PEMT: variants seen among roughly 807,000 people sequenced by gnomAD.
The protein encoded by PEMT is phosphatidylethanolamine N-methyltransferase, also known as phospholipid methyltransferase.
A neutral mutation model predicts 27.4 loss-of-function variants in PEMT; 23 were observed. That is an observed-to-expected ratio of 0.84 (90% confidence interval 0.60 to 1.19). The LOEUF is 1.19. Ranked by LOEUF, PEMT falls within the 50% of genes most tolerant of loss-of-function variation. PEMT has a pLI of 0.00. For synonymous variants in PEMT, 137 were observed against 139.1 expected (o/e 0.98, Z 0.11); for missense variants, 307 against 310.1 (o/e 0.99, Z 0.07).
chr17:17,588,763 G>T (rs4646343), intron 1 of PEMT, among the ~76,000 whole-genome samples: 50,334 of 152,090 alleles, frequency 0.33, 9,837 homozygotes, highest in Middle Eastern at 0.47. Context: ...GAGGTGCCCC[G>T]GCCTGTGGAC....
intron 5 of PEMT, chr17:17,506,866 G>A (rs561970261): frequency 4.9e-5 from 21 of 431,154 alleles, no homozygotes; most frequent in South Asian, 2.1e-4. Context: ...CTGCCGCCCC[G>A]CCCAGCCCTC....
At chr17:17,531,986 G>GAAGTATATATACAGAAATATATATAT (rs1908133420) in intron 2 of PEMT, among the ~76,000 whole-genome samples, 1 of 152,104 alleles carries the variant, frequency 6.6e-6, no homozygotes, top group Non-Finnish European at 1.5e-5. Flanking sequence ...CTTCTTGAGG[G>GAAGTATATATACAGAAATATATATAT]ACTTATATCA....
In PEMT at chr17:17,521,013, G is replaced by A. The variant is rs1034567801; in HGVS notation, c.320+1267C>T. ...CCGGCTCCGCACGTGCTGGCATGGA[G>A]CATTCGCAGGCCCCTTCCTGTGTGC... On this transcript the variant is annotated intron_variant, in intron 3 of 6. Transcript: ENST00000255389. Among the ~76,000 whole-genome samples the A allele has an allele frequency of 7.2e-5, 11 of 152,262 alleles. 1 individual carries two copies. In the East Asian group the frequency reaches 7.7e-4, roughly 11 times the overall value.
Position 17,577,071 on chromosome 17 carries a change from G to A in PEMT, c.97-44C>T, listed in dbSNP as rs928489403. The A allele has an allele frequency of 2.8e-6, 4 of 1,437,226 alleles. No individual in the cohort carries two copies. In the African/African-American group the frequency reaches 4.2e-5, roughly 15 times the overall value. The allele number at this position is 1,437,226 out of a possible 1,614,324, so 89.0% of individuals were successfully genotyped here. On this transcript the variant is annotated intron_variant, in intron 1 of 6. Coordinates refer to ENST00000255389, the MANE Select transcript of PEMT (RefSeq NM_148172.3). ...CATCAGCACCACCCAGACACAGCAG[G>A]GCCTGTGAGCCCCCAGGAGTCGGAG...
At position 17,536,042 on chromosome 17, in the gene PEMT, A is replaced by C. The variant is rs573290447; in HGVS notation, c.205-13647T>G. Among the ~76,000 whole-genome samples the C allele has an allele frequency of 1.6e-4, 24 of 152,302 alleles. No homozygotes were observed. The South Asian group carries it at 4.4e-3, about 28-fold the overall frequency. ...TGCCACTGTCTCCCCAAGGGCCTACAATCTCCTTAACTGTGGCATGCAGGC... is the reference window on the plus strand; with the variant it reads ...TGCCACTGTCTCCCCAAGGGCCTACCATCTCCTTAACTGTGGCATGCAGGC... On this transcript the variant is annotated intron_variant, in intron 2 of 6. Coordinates refer to ENST00000255389, the MANE Select transcript of PEMT (RefSeq NM_148172.3).
rs532688339 is a variant in PEMT, at chr17:17,512,437, G to A, written c.466+72C>T. On this transcript the variant is annotated intron_variant, in intron 4 of 6. Transcript: ENST00000255389. This position sits in a 1 kb window ranked among gnomAD's most constrained non-coding sequence, Gnocchi z 6.3. Reference sequence around the variant, plus strand: ...CGATGTCACGGATAGCAGGGCAGCAGCCACCTGGCCCTGCACCTCCCTGGG... The same window carrying A: ...CGATGTCACGGATAGCAGGGCAGCAACCACCTGGCCCTGCACCTCCCTGGG... 157 of 1,346,546 alleles carry A rather than the reference G, an allele frequency of 1.2e-4. No individual in the cohort carries two copies. In the African/African-American group the frequency reaches 1.9e-3, roughly 16 times the overall value. 83.4% of individuals were successfully genotyped at this position (1,346,546 alleles called of 1,614,324 possible).
intron 2 of PEMT, among the ~76,000 whole-genome samples, chr17:17,576,117 C>G (rs1413177332): frequency 1.3e-5 from 2 of 152,098 alleles, no homozygotes; most frequent in Non-Finnish European, 2.9e-5. Flanking sequence ...AGCAGGATCC[C>G]CGGGAAGCAG....
intron 1 of PEMT, chr17:17,577,309 T>G: frequency 2.1e-6 from 1 of 479,828 alleles, no homozygotes; most frequent in Non-Finnish European, 3.6e-6. Context: ...TGAAGGGAGG[T>G]GACACCAACC....
intron 2 of PEMT, among the ~76,000 whole-genome samples, chr17:17,536,282 T>C (rs796185733): frequency 3.9e-5 from 6 of 152,342 alleles, no homozygotes; most frequent in African/African-American, 1.4e-4. Flanking sequence ...GTAAATGGAT[T>C]GTAACTCAGG....
At chr17:17,569,453 A>G (rs796132591) in intron 2 of PEMT, among the ~76,000 whole-genome samples, 14 of 152,246 alleles carry the variant, frequency 9.2e-5, no homozygotes, top group African/African-American at 3.1e-4. Context: ...TGCACATGAG[A>G]GCCAGGCACC....
At chr17:17,583,162 T>C (rs1010284829) in intron 1 of PEMT, among the ~76,000 whole-genome samples, 3 of 151,848 alleles carry the variant, frequency 2.0e-5, no homozygotes, top group African/African-American at 7.3e-5. Context: ...GATCACCTGA[T>C]GGTCAGGAGT....
chr17:17,546,332 C>T (rs1302101476), intron 2 of PEMT, among the ~76,000 whole-genome samples: 2 of 152,192 alleles, frequency 1.3e-5, no homozygotes, highest in Non-Finnish European at 2.9e-5. Context: ...TTTGCTCTCC[C>T]GTGTCTTGGT....
At chr17:17,542,553 CACAA>C (rs1908964259) in intron 2 of PEMT, among the ~76,000 whole-genome samples, 1 of 152,218 alleles carries the variant, frequency 6.6e-6, no homozygotes, top group Admixed American at 6.5e-5. Flanking sequence ...ATGCCAAGGA[CACAA>C]ACAGATTGAG....
Position 17,586,288 on chromosome 17 carries a change from G to GAA in PEMT, c.96+5241_96+5242dup, listed in dbSNP as rs113887195. Among the ~76,000 whole-genome samples, 101 of 72,058 alleles carry GAA rather than the reference G, an allele frequency of 1.4e-3. 7 individuals are homozygous for GAA. The highest frequency in any genetic ancestry group is 3.7e-3 in the South Asian group (9 of 2,414). The allele number at this position is 72,058 out of a possible 152,430, so 47.3% of individuals were successfully genotyped here. A position where few individuals can be genotyped will look rare whatever the true frequency, so the allele number is the denominator to read the frequency against. Reference sequence around the variant, plus strand: ...AGAAAGAAAGAAAGAAAGAAAGAAAGAAAAAAAAAAACGCAGGTGGAAAAT... The same window carrying GAA: ...AGAAAGAAAGAAAGAAAGAAAGAAAGAAAAAAAAAAAAACGCAGGTGGAAAAT... On this transcript the variant is annotated intron_variant, in intron 1 of 6. Transcript: ENST00000255389.
In PEMT at chr17:17,523,328, C is replaced by T. The variant is rs964614467; in HGVS notation, c.205-933G>A. The stretch of plus-strand genomic sequence containing the variant: ...TCCACCCCAGCCCCAGCGATGACTG[C>T]TGCCTGCTCCACTTCCCAAGTGGAC... On this transcript the variant is annotated intron_variant, in intron 2 of 6. Transcript: ENST00000255389. The surrounding 1 kb of genome is among the most constrained non-coding windows in gnomAD (Gnocchi z 4.8). 1.3e-5 allele frequency among the ~76,000 whole-genome samples: 2 copies of T among 152,226 alleles called. No individual in the cohort carries two copies. The highest frequency in any genetic ancestry group is 4.8e-5 in the African/African-American group (2 of 41,460).
In PEMT at chr17:17,573,404, T is replaced by C. The variant is rs535110980; in HGVS notation, c.204+3516A>G. The stretch of plus-strand genomic sequence containing the variant: ...ATCGCTTGAACCTGAGAGGCAGAGG[T>C]TGCAGTAAGCCAAGATCATGCCACT... On this transcript the variant is annotated intron_variant, in intron 2 of 6. Coordinates refer to ENST00000255389, the MANE Select transcript of PEMT (RefSeq NM_148172.3). Among the ~76,000 whole-genome samples the C allele has an allele frequency of 2.0e-5, 3 of 150,358 alleles. No homozygotes were observed. In the East Asian group the frequency reaches 5.8e-4, roughly 29 times the overall value.
chr17:17,505,878 A>C, intron 6 of PEMT, 30 bp from the exon 7 acceptor site: 1 of 1,600,248 alleles, frequency 6.2e-7, no homozygotes, highest in South Asian at 1.1e-5. Flanking sequence ...GGCTTCGGTC[A>C]GCAGGTCCTG....
intron 1 of PEMT, among the ~76,000 whole-genome samples, chr17:17,584,843 G>A (rs896674246): frequency 1.3e-5 from 2 of 152,234 alleles, no homozygotes; most frequent in African/African-American, 4.8e-5. Context: ...ATCTCCCCTC[G>A]CTGAGCACCG....
intron 2 of PEMT, among the ~76,000 whole-genome samples, chr17:17,531,979 C>A (rs1434452425): frequency 6.6e-6 from 1 of 152,150 alleles, no homozygotes; most frequent in African/African-American, 2.4e-5. Flanking sequence ...GCACATACTT[C>A]TTGAGGGACT....
Sources: gnomAD v4.1 joint callset for allele counts (sites outside exome capture counted in the v4.1 genomes callset) on GRCh38, gnomAD v4.1.1 for gene constraint, Gnocchi (gnomAD v3.1) non-coding constraint, MANE v1.5 for transcripts, NCBI Gene and HGNC (gene_info 2026-07-23, HGNC 2026-07-21) for gene names.